Variants in TRPM3 observed in about 807,000 individuals in gnomAD.
TRPM3 encodes transient receptor potential cation channel subfamily M member 3.
TRPM3 carries 77 observed loss-of-function variants against 181.2 expected under a neutral mutation model. The ratio of observed to expected loss-of-function variants is 0.42; its 90% CI spans 0.35 to 0.51. TRPM3 has a LOEUF of 0.51. TRPM3 is among the 20% of genes least tolerant of loss of function. The pLI is 0.01. For synonymous variants in TRPM3, 745 were observed against 796.4 expected (o/e 0.94, Z 1.09); for missense variants, 1,759 against 2,196.7 (o/e 0.80, Z 3.98).
At chr9:71,287,213 T>A (rs893313698) in intron 1 of TRPM3, among the ~76,000 whole-genome samples, 3 of 150,272 alleles carry the variant, frequency 2.0e-5, no homozygotes, top group Non-Finnish European at 4.4e-5. Context: ...CTCTGGAGAT[T>A]TACCATCTAA....
intron 9 of TRPM3, among the ~76,000 whole-genome samples, chr9:70,668,589 C>T (rs1005501532): frequency 7.0e-6 from 1 of 142,590 alleles, no homozygotes; most frequent in Admixed American, 7.5e-5. Context: ...GGTGTGAACC[C>T]GGGAGGCGGA....
intron 1 of TRPM3, among the ~76,000 whole-genome samples, chr9:70,907,037 CTT>C (rs768350796): frequency 3.3e-5 from 5 of 152,162 alleles, no homozygotes; most frequent in Non-Finnish European, 5.9e-5. Flanking sequence ...GTTATCTACT[CTT>C]GAGATTTATA....
intron 1 of TRPM3, among the ~76,000 whole-genome samples, chr9:71,135,861 A>T (rs961954637): frequency 4.6e-5 from 7 of 152,340 alleles, no homozygotes; most frequent in African/African-American, 1.7e-4. Context: ...TAGTGTTACT[A>T]ATACAAAATA....
intron 1 of TRPM3, among the ~76,000 whole-genome samples, chr9:71,109,240 C>T (rs1035766884): frequency 6.6e-6 from 1 of 152,086 alleles, no homozygotes; most frequent in Non-Finnish European, 1.5e-5. Flanking sequence ...ACTGCATAAG[C>T]CAATTCCTTA....
chr9:71,013,165 G>T (rs575249321), intron 1 of TRPM3, among the ~76,000 whole-genome samples: 1 of 151,930 alleles, frequency 6.6e-6, no homozygotes, highest in Non-Finnish European at 1.5e-5. Flanking sequence ...AATCAGGAAC[G>T]GGTGGTAAAT....
intron 1 of TRPM3, among the ~76,000 whole-genome samples, chr9:71,086,732 A>C (rs1250171141): frequency 6.6e-6 from 1 of 152,032 alleles, no homozygotes; most frequent in African/African-American, 2.4e-5. Flanking sequence ...TAAGGAAAGA[A>C]TCTAATCTGC....
intron 1 of TRPM3, among the ~76,000 whole-genome samples, chr9:71,314,821 T>A (rs1461193079): frequency 6.6e-6 from 1 of 151,890 alleles, no homozygotes; most frequent in Non-Finnish European, 1.5e-5. Flanking sequence ...AGCTTCTTTT[T>A]TCTTTGAGGC....
At chr9:71,318,691 G>A (rs2088888601) in intron 1 of TRPM3, among the ~76,000 whole-genome samples, 1 of 152,104 alleles carries the variant, frequency 6.6e-6, no homozygotes, top group Non-Finnish European at 1.5e-5. Flanking sequence ...AGAATCACAG[G>A]ACGTTGAGAG....
chr9:71,392,967 A>G (rs558999016), intron 1 of TRPM3, among the ~76,000 whole-genome samples: 2 of 152,326 alleles, frequency 1.3e-5, no homozygotes, highest in African/African-American at 4.8e-5. Context: ...AAAGTAAACA[A>G]GAAATCTAAG....
intron 8 of TRPM3, among the ~76,000 whole-genome samples, chr9:70,744,057 C>A (rs1481526503): frequency 6.6e-6 from 1 of 151,962 alleles, no homozygotes; most frequent in East Asian, 1.9e-4. Context: ...TGGGGCCGGG[C>A]ACAGTGGCTC....
intron 1 of TRPM3, among the ~76,000 whole-genome samples, chr9:71,139,563 T>A (rs573035283): frequency 1.3e-5 from 2 of 152,242 alleles, no homozygotes; most frequent in Admixed American, 1.3e-4. Flanking sequence ...ATGTCTGAGC[T>A]CGTAAATAAT....
intron 1 of TRPM3, among the ~76,000 whole-genome samples, chr9:71,129,790 TA>T (rs1048493663): frequency 6.6e-6 from 1 of 152,204 alleles, no homozygotes; most frequent in African/African-American, 2.4e-5. Flanking sequence ...TTATCTAACC[TA>T]ACACCAGAAT....
At chr9:70,878,386 GTACT>G (rs2095912071) in intron 1 of TRPM3, among the ~76,000 whole-genome samples, 4 of 152,122 alleles carry the variant, frequency 2.6e-5, no homozygotes, top group Non-Finnish European at 2.9e-5. Context: ...CATCAGAGCT[GTACT>G]TACTTATTTT....
At chr9:70,927,798 C>G (rs1303504270) in intron 1 of TRPM3, among the ~76,000 whole-genome samples, 1 of 152,262 alleles carries the variant, frequency 6.6e-6, no homozygotes, top group South Asian at 2.1e-4. Flanking sequence ...TGATTTGGGT[C>G]TCTCTTTTCC....
At chr9:70,747,526 T>C (rs2075390087) in intron 8 of TRPM3, among the ~76,000 whole-genome samples, 1 of 152,126 alleles carries the variant, frequency 6.6e-6, no homozygotes. Flanking sequence ...ATATGATTGG[T>C]TCTGTGCTTC....
Position 70,967,784 on chromosome 9 carries a change from T to C in TRPM3, c.178-103273A>G, listed in dbSNP as rs1168539134. Among the ~76,000 whole-genome samples the C allele has an allele frequency of 2.0e-5, 3 of 152,274 alleles. No individual in the cohort carries two copies. In the East Asian group the frequency reaches 5.8e-4, roughly 29 times the overall value. On this transcript the variant is annotated intron_variant, in intron 1 of 25. Coordinates refer to ENST00000677713, the MANE Select transcript of TRPM3 (RefSeq NM_001366145.2). The stretch of plus-strand genomic sequence containing the variant: ...TGAGAAACTCTAAGAGGGTGATTTA[T>C]ATAGGGTTTTGAAAATTTACCTTAT...
chr9:70,776,879 G>A (rs543582329), intron 7 of TRPM3, among the ~76,000 whole-genome samples: 1 of 152,276 alleles, frequency 6.6e-6, no homozygotes, highest in South Asian at 2.1e-4. Flanking sequence ...ACTCTCAATG[G>A]AATCACCTGG....
chr9:71,383,875 A>G (rs2092863340), intron 1 of TRPM3, among the ~76,000 whole-genome samples: 1 of 152,226 alleles, frequency 6.6e-6, no homozygotes, highest in Non-Finnish European at 1.5e-5. Flanking sequence ...AACACATAGT[A>G]TATCCATCCT....
intron 25 of TRPM3, among the ~76,000 whole-genome samples, chr9:70,545,162 A>G (rs889103939): frequency 2.6e-5 from 4 of 152,240 alleles, no homozygotes; most frequent in Non-Finnish European, 5.9e-5. Context: ...TAGTATTAAA[A>G]TTTTGTTATA....
Sources: allele counts gnomAD v4.1 joint callset (sites outside exome capture counted in the v4.1 genomes callset), GRCh38; gene constraint gnomAD v4.1.1; transcripts MANE v1.5; gene names NCBI Gene and HGNC (gene_info 2026-07-23, HGNC 2026-07-21).